Variants in STIP1 observed in about 807,000 individuals in gnomAD.
STIP1 encodes stress induced phosphoprotein 1, also known as stress-induced-phosphoprotein 1.
A neutral mutation model predicts 77.4 loss-of-function variants in STIP1; 16 were observed. That is an observed-to-expected ratio of 0.21 (90% CI 0.14 to 0.31). STIP1 has a LOEUF of 0.31. STIP1 is among the 10% of genes least tolerant of loss of function. The pLI, the probability that STIP1 is intolerant of heterozygous loss-of-function variation, is 1.00. For missense variants in STIP1, 524 were observed against 684.8 expected, an observed-to-expected ratio of 0.77 and a Z score of 2.62; for synonymous variants, 258 against 246.6, an observed-to-expected ratio of 1.05 and a Z score of -0.44.
chr11:64,192,842 G>A (rs946321396), intron 1 of STIP1, among the ~76,000 whole-genome samples: 5 of 152,232 alleles, frequency 3.3e-5, no homozygotes, highest in African/African-American at 9.6e-5. Context: ...GCCCTCGTTC[G>A]TCACATGGGG....
chr11:64,197,802 G>A (rs1340636389), intron 7 of STIP1, 52 bp from the exon 8 acceptor site: 2 of 1,591,102 alleles, frequency 1.3e-6, no homozygotes, highest in South Asian at 1.1e-5. Context: ...TTCTGCAGGA[G>A]CTGACTTTAT....
At chr11:64,186,123 A>T, upstream of STIP1, 1 of 1,550,588 alleles carries the variant, frequency 6.4e-7, no homozygotes, top group African/African-American at 1.4e-5. Flanking sequence ...CCCTAGAAGA[A>T]CTCGACCAGT....
intron 4 of STIP1, 50 bp downstream of exon 4, chr11:64,194,670 T>G: frequency 6.3e-7 from 1 of 1,597,274 alleles, no homozygotes; most frequent in Non-Finnish European, 8.5e-7. Context: ...AATGTTATGC[T>G]TTCTTCCTGT....
chr11:64,198,627 G>A (rs1276443294), intron 8 of STIP1, among the ~76,000 whole-genome samples: 2 of 152,100 alleles, frequency 1.3e-5, no homozygotes, highest in East Asian at 1.9e-4. Flanking sequence ...AATTATAGGC[G>A]TAAGCCACTA....
In STIP1 at chr11:64,204,167, A is replaced by G. The variant is rs200565900; in HGVS notation, c.*41A>G. ...CCCTTCCCTTCGCCCTCATGTGGAAAGAGGAGCTGGGACCGCGGCGAGCAG... is the reference window on the plus strand; with the variant it reads ...CCCTTCCCTTCGCCCTCATGTGGAAGGAGGAGCTGGGACCGCGGCGAGCAG... On this transcript the variant is annotated 3_prime_UTR_variant, in exon 14 of 14. Coordinates refer to ENST00000305218, the MANE Select transcript of STIP1 (RefSeq NM_006819.3). The G allele has an allele frequency of 5.1e-5, 82 of 1,611,038 alleles. No homozygotes were observed. In the African/African-American group the frequency reaches 6.5e-4, roughly 13 times the overall value.
chr11:64,195,502 A>C (rs1291961787), intron 4 of STIP1, 143 bp from the exon 5 acceptor site: 1 of 739,868 alleles, frequency 1.4e-6, no homozygotes, highest in Non-Finnish European at 2.2e-6. Context: ...GTAACTCATG[A>C]GTGGTGCAAA....
rs767972451 is a variant in STIP1 at position 64,203,105 on chromosome 11, G to C, written c.1283-20G>C. ...CTTGGGCGCTGCGGTTGGATAACGC[G>C]CCACCTTTCCTGTTTGTAGTCAAGG... On this transcript the variant is annotated intron_variant, in intron 11 of 13. Transcript: ENST00000305218. The C allele has an allele frequency of 6.2e-7, 1 of 1,613,866 alleles. No homozygotes were observed. The highest frequency in any genetic ancestry group is 1.1e-5 in the South Asian group (1 of 91,058).
chr11:64,203,344 AC>A, intron 12 of STIP1, 105 bp from the exon 13 acceptor site: 1 of 1,577,336 alleles, frequency 6.3e-7, no homozygotes. Context: ...TTTCTCTCTT[AC>A]TTGTTCTCTC....
At chr11:64,185,615 CG>C, upstream of STIP1, 1 of 625,264 alleles carries the variant, frequency 1.6e-6, no homozygotes, top group South Asian at 2.1e-5. Context: ...CTGGAACTCG[CG>C]GCACTCGGGA....
Position 64,193,259 on chromosome 11 carries a change from C to T in STIP1, c.191C>T (p.Thr64Ile). 1 of 1,614,236 alleles carries T rather than the reference C, an allele frequency of 6.2e-7. No individual in the cohort carries two copies. Among genetic ancestry groups the T allele is most frequent in the Non-Finnish European group, 8.5e-7 (1 of 1,180,040 alleles). Reference protein sequence around the residue: ...YQKAYEDGCKTVDLKPDWGKG... With the variant: ...YQKAYEDGCKIVDLKPDWGKG... ...AAGGCTTATGAGGATGGCTGCAAGACTGTCGACCTAAAGCCTGACTGGGGC... is the reference window on the plus strand; with the variant it reads ...AAGGCTTATGAGGATGGCTGCAAGATTGTCGACCTAAAGCCTGACTGGGGC... The change falls in exon 2 of 14, where the codon ACT becomes ATT. Residue 64 changes from threonine (T) to isoleucine (I), a missense_variant. Physicochemically the swap from Thr to Ile is moderately conservative, Grantham distance 89 (BLOSUM62 -1). Transcript: ENST00000305218.
At chr11:64,198,200 C>A (rs1946172286) in intron 8 of STIP1, among the ~76,000 whole-genome samples, 1 of 151,842 alleles carries the variant, frequency 6.6e-6, no homozygotes, top group African/African-American at 2.4e-5. Flanking sequence ...GGATTACAGG[C>A]ACGTGCCACC....
chr11:64,189,705 C>T (rs553273390), intron 1 of STIP1, among the ~76,000 whole-genome samples: 6 of 152,096 alleles, frequency 3.9e-5, no homozygotes, highest in Non-Finnish European at 8.8e-5. Context: ...TTTTTTGTCC[C>T]ATTTGGTCTC....
In STIP1 at chr11:64,195,662, G is replaced by A. The variant is rs769710155; in HGVS notation, c.521G>A (p.Arg174Gln). 24 of 1,609,560 alleles carry A rather than the reference G, an allele frequency of 1.5e-5. No homozygotes were observed. Among genetic ancestry groups the A allele is most frequent in the East Asian group, 2.2e-5 (1 of 44,866 alleles). Residue 174 changes from arginine to glutamine, a missense_variant, in exon 5 of 14, where the codon CGG (arginine) becomes CAG (glutamine). By Grantham distance (43) the Arg-to-Gln change is conservative. Transcript: ENST00000305218. ...SDLGTKLQDP[R>Q]IMTTLSVLLG... ...AATACTAGGAAACTACAAGATCCCC[G>A]GATCATGACCACTCTCAGCGTCCTC...
intron 1 of STIP1, among the ~76,000 whole-genome samples, chr11:64,189,478 G>C (rs1189974865): frequency 6.6e-6 from 1 of 152,084 alleles, no homozygotes; most frequent in Non-Finnish European, 1.5e-5. Flanking sequence ...AGTGAGCCAA[G>C]ATTGCGCCAC....
At chr11:64,192,730 T>C (rs1243842645) in intron 1 of STIP1, among the ~76,000 whole-genome samples, 1 of 152,208 alleles carries the variant, frequency 6.6e-6, no homozygotes, top group African/African-American at 2.4e-5. Flanking sequence ...TTGGATGCTT[T>C]GGAAATCTGT....
At chr11:64,186,038 C>T, upstream of STIP1, 5 of 1,545,556 alleles carry the variant, frequency 3.2e-6, no homozygotes, top group Non-Finnish European at 4.4e-6. Context: ...GGAATTACTC[C>T]CCGCTGTCCA....
At chr11:64,188,364 AGAAAC>A (rs892048627) in intron 1 of STIP1, among the ~76,000 whole-genome samples, 13 of 148,974 alleles carry the variant, frequency 8.7e-5, no homozygotes, top group Non-Finnish European at 2.0e-4. Flanking sequence ...AAAAAAGAAA[AGAAAC>A]GATTTCTGTT....
intron 4 of STIP1, among the ~76,000 whole-genome samples, chr11:64,195,317 T>C (rs1946137004): frequency 6.6e-6 from 1 of 152,150 alleles, no homozygotes; most frequent in South Asian, 2.1e-4. Context: ...GGTTTCACCA[T>C]GTTGGCTAGG....
chr11:64,200,867 C>G (rs1260157181), intron 10 of STIP1, among the ~76,000 whole-genome samples: 2 of 151,946 alleles, frequency 1.3e-5, no homozygotes, highest in Admixed American at 6.6e-5. Context: ...TGCCGTGGCA[C>G]AATCTCGGCT....
Sources: gnomAD v4.1 joint callset for allele counts (sites outside exome capture counted in the v4.1 genomes callset) on GRCh38, gnomAD v4.1.1 for gene constraint, MANE v1.5 for transcripts, NCBI Gene and HGNC (gene_info 2026-07-23, HGNC 2026-07-21) for gene names.